Variants in DYNC2H1 observed in about 807,000 individuals in gnomAD.
DYNC2H1 encodes cytoplasmic dynein 2 heavy chain 1.
Under a neutral mutation model 570.0 loss-of-function variants are expected in DYNC2H1, and 410 were observed. The observed-to-expected ratio is 0.72, with a 90% CI of 0.66 to 0.78. The LOEUF (loss-of-function observed/expected upper bound fraction) is 0.78. Among genes scored for constraint, DYNC2H1 ranks in the 30% least tolerant of loss-of-function variants. The probability of loss-of-function intolerance (pLI) is 0.00; values close to 1 mark genes in which losing one functional copy is unlikely to be tolerated. For synonymous variants in DYNC2H1, 1,688 were observed against 1,677.6 expected (o/e 1.01, Z -0.15); for missense variants, 4,865 against 5,046.4 (o/e 0.96, Z 1.09).
At chr11:103,173,390 C>T (rs1341826048) in intron 35 of DYNC2H1, 85 bp downstream of exon 35, 3 of 950,092 alleles carry the variant, frequency 3.2e-6, no homozygotes, top group Non-Finnish European at 4.4e-6. Context: ...CATATTTTCT[C>T]AATTCACCTA....
At position 103,174,491 on chromosome 11, in the gene DYNC2H1, T is replaced by G. The variant is rs376587906; in HGVS notation, c.5674+321T>G. Among the ~76,000 whole-genome samples, 60 of 152,304 alleles carry G rather than the reference T, an allele frequency of 3.9e-4. 1 individual carries two copies. Among genetic ancestry groups the G allele is most frequent in the African/African-American group, 1.4e-3 (59 of 41,590 alleles). ...ATGTAAAGTCCACTTGTTCTTTAAC[T>G]TCAATGTCCATTGGAATCACCCAGT... On this transcript the variant is annotated intron_variant, in intron 36 of 88. Transcript: ENST00000375735.
intron 73 of DYNC2H1, among the ~76,000 whole-genome samples, chr11:103,285,375 C>A (rs1368196072): frequency 2.0e-5 from 3 of 151,518 alleles, no homozygotes; most frequent in African/African-American, 7.3e-5. Flanking sequence ...TGATCAGACA[C>A]CAACAGATAA....
intron 82 of DYNC2H1, among the ~76,000 whole-genome samples, chr11:103,348,030 T>A (rs1349436162): frequency 1.3e-5 from 2 of 152,172 alleles, no homozygotes; most frequent in East Asian, 3.8e-4. Flanking sequence ...TGCGAAGTAC[T>A]AAGAGGTAAT....
chr11:103,215,623 T>G lies in DYNC2H1; in HGVS notation c.8695-98T>G, dbSNP rs553140039. On this transcript the variant is annotated intron_variant, in intron 54 of 88. Transcript: ENST00000375735. ...TTGCTACTGTTTTGTATATACACACTTAACATGTTTGCTTGATTCTTTTCT... is the reference window on the plus strand; with the variant it reads ...TTGCTACTGTTTTGTATATACACACGTAACATGTTTGCTTGATTCTTTTCT... 8.0e-5 allele frequency: 101 copies of G among 1,259,144 alleles called. No homozygotes were observed. In the African/African-American group the frequency reaches 1.3e-3, roughly 16 times the overall value. The allele number at this position is 1,259,144 out of a possible 1,614,324, so 78.0% of individuals were successfully genotyped here. A position where few individuals can be genotyped will look rare whatever the true frequency, so the allele number is the denominator to read the frequency against.
rs1945014365 is a variant in DYNC2H1, at chr11:103,461,619, A to G, written c.12648+5263A>G. Among the ~76,000 whole-genome samples, 1 of 152,180 alleles carries G rather than the reference A, an allele frequency of 6.6e-6. No individual in the cohort carries two copies. Among genetic ancestry groups the G allele is most frequent in the Admixed American group, 6.5e-5 (1 of 15,282 alleles). On this transcript the variant is annotated intron_variant, in intron 87 of 88. Transcript: ENST00000375735. This position sits in a 1 kb window ranked among gnomAD's most constrained non-coding sequence, Gnocchi z 4.8. The stretch of plus-strand genomic sequence containing the variant: ...GCTCAGTAGCCATATGCGGTATAGT[A>G]TATACAGTAACCACATATGGCTGCT...
In DYNC2H1 at chr11:103,350,320, T is replaced by C. The variant is rs796422044; in HGVS notation, c.12040-7923T>C. On this transcript the variant is annotated intron_variant, in intron 82 of 88. Coordinates refer to ENST00000375735, the MANE Select transcript of DYNC2H1 (RefSeq NM_001377.3). ...TGTAAATATAAAAAGTATTATAAATTGTTTTTTTCTGCAAATTGTAATATC... is the reference window on the plus strand; with the variant it reads ...TGTAAATATAAAAAGTATTATAAATCGTTTTTTTCTGCAAATTGTAATATC... 2.1e-3 allele frequency among the ~76,000 whole-genome samples: 284 copies of C among 137,278 alleles called. 4 individuals are homozygous for C. Among genetic ancestry groups the C allele is most frequent in the African/African-American group, 7.5e-3 (257 of 34,048 alleles). The allele number at this position is 137,278 out of a possible 152,430, so 90.1% of individuals were successfully genotyped here. A position where few individuals can be genotyped will look rare whatever the true frequency, so the allele number is the denominator to read the frequency against.
At chr11:103,378,736 T>C (rs1464154230) in intron 83 of DYNC2H1, among the ~76,000 whole-genome samples, 2 of 152,250 alleles carry the variant, frequency 1.3e-5, no homozygotes, top group African/African-American at 4.8e-5. Flanking sequence ...AAAATATCTT[T>C]ATTTCATCTT....
intron 22 of DYNC2H1, among the ~76,000 whole-genome samples, chr11:103,154,166 ATCTC>A (rs886461667): frequency 6.6e-6 from 1 of 151,848 alleles, no homozygotes; most frequent in Non-Finnish European, 1.5e-5. Context: ...GTACATATAA[ATCTC>A]TCTATATTAC....
At position 103,280,284 on chromosome 11, in the gene DYNC2H1, C is replaced by T. The variant is rs372471848; in HGVS notation, c.10696-64C>T. 5.1e-5 allele frequency: 76 copies of T among 1,494,128 alleles called. No individual in the cohort carries two copies. Among genetic ancestry groups the T allele is most frequent in the Middle Eastern group, 2.0e-4 (1 of 5,070 alleles). The allele number at this position is 1,494,128 out of a possible 1,614,324, so 92.6% of individuals were successfully genotyped here. On this transcript the variant is annotated intron_variant, in intron 70 of 88. Coordinates refer to ENST00000375735, the MANE Select transcript of DYNC2H1 (RefSeq NM_001377.3). The surrounding 1 kb of genome is among the most constrained non-coding windows in gnomAD (Gnocchi z 4.7). ...GAGATTTTTGTGTGCCAAATTTTAA[C>T]GACTATGCTTTTCCAAAGACACAAA...
Position 103,363,930 on chromosome 11 carries a change from C to T in DYNC2H1, c.12156+5571C>T, listed in dbSNP as rs929326842. Reference sequence around the variant, plus strand: ...AAACTCATGACAGATAGCATTATGACTTCCCAATGTAATAGGAGTCTTTTT... The same window carrying T: ...AAACTCATGACAGATAGCATTATGATTTCCCAATGTAATAGGAGTCTTTTT... On this transcript the variant is annotated intron_variant, in intron 83 of 88. Transcript: ENST00000375735. This position sits in a 1 kb window ranked among gnomAD's most constrained non-coding sequence, Gnocchi z 5.6. 1.3e-5 allele frequency among the ~76,000 whole-genome samples: 2 copies of T among 152,112 alleles called. No individual in the cohort carries two copies. The highest frequency in any genetic ancestry group is 4.8e-5 in the African/African-American group (2 of 41,406).
Position 103,181,884 on chromosome 11 carries a change from C to A in DYNC2H1, c.6475C>A (p.Gln2159Lys). 2 of 1,603,160 alleles carry A rather than the reference C, an allele frequency of 1.2e-6. No individual in the cohort carries two copies. The highest frequency in any genetic ancestry group is 8.5e-7 in the Non-Finnish European group (1 of 1,174,162). Residue 2159 changes from glutamine to lysine, a missense_variant and splice_region_variant, in exon 40 of 89, where the codon CAG becomes AAG. Physicochemically the swap from Gln to Lys is moderately conservative, Grantham distance 53. Around this residue, in one of 5 missense-constraint regions of DYNC2H1, gnomAD observed 231 missense variants for 310.3 expected, o/e 0.74. Coordinates refer to ENST00000375735, the MANE Select transcript of DYNC2H1 (RefSeq NM_001377.3). The surrounding 1 kb of genome is among the most constrained non-coding windows in gnomAD (Gnocchi z 5.0). ...FEKALQWVLKQNDYVVETSLV... is the reference protein window; with the variant it reads ...FEKALQWVLKKNDYVVETSLV... ...AAAGGCTTTACAATGGGTTCTAAAG[C>A]AGGTAAATTAACCATAATATTTCAT...
intron 3 of DYNC2H1, 125 bp from the exon 4 acceptor site, chr11:103,115,052 C>A: frequency 1.8e-6 from 1 of 545,978 alleles, no homozygotes; most frequent in Non-Finnish European, 3.2e-6. Flanking sequence ...GAAGTGTCAC[C>A]TATTTGACCT....
intron 30 of DYNC2H1, among the ~76,000 whole-genome samples, chr11:103,164,273 A>G (rs1339452578): frequency 6.6e-6 from 1 of 152,208 alleles, no homozygotes; most frequent in Non-Finnish European, 1.5e-5. Context: ...TAGGCTAGAG[A>G]AAGTTGTTGG....
rs1341074305 is a variant in DYNC2H1 at position 103,177,470 on chromosome 11, A to C, written c.5875-86A>C. On this transcript the variant is annotated intron_variant, in intron 37 of 88. Transcript: ENST00000375735. The surrounding 1 kb of genome is among the most constrained non-coding windows in gnomAD (Gnocchi z 4.4). ...AAGAAATCAAAGGCTTAATTTACAC[A>C]TTAGAACAAGTGTTACAGAATAAAA... The C allele has an allele frequency of 3.0e-5, 42 of 1,381,208 alleles. No homozygotes were observed. Among genetic ancestry groups the C allele is most frequent in the Non-Finnish European group, 4.0e-5 (41 of 1,026,288 alleles). The allele number at this position is 1,381,208 out of a possible 1,614,324, so 85.6% of individuals were successfully genotyped here. A position where few individuals can be genotyped will look rare whatever the true frequency, so the allele number is the denominator to read the frequency against.
rs1322369710 is a variant in DYNC2H1 at position 103,191,606 on chromosome 11, T to C, written c.7527T>C (p.Tyr2509=). 3 of 1,606,526 alleles carry C rather than the reference T, an allele frequency of 1.9e-6. No homozygotes were observed. Among genetic ancestry groups the C allele is most frequent in the East Asian group, 2.2e-5 (1 of 44,636 alleles). The change falls in exon 46 of 89, where the codon TAT becomes TAC. Residue 2509 remains tyrosine, a synonymous_variant. Coordinates refer to ENST00000375735, the MANE Select transcript of DYNC2H1 (RefSeq NM_001377.3). ...LTQWVLGLFR[Y]DLEGGSSNHP... is the part of the protein sequence containing the mutation. ...AATGGGTTCTTGGCTTATTTAGATA[T>C]GATTTAGAAGGAGGTGAGTTTTGCT...
At chr11:103,232,125 A>G (rs1864037980) in intron 60 of DYNC2H1, among the ~76,000 whole-genome samples, 1 of 152,038 alleles carries the variant, frequency 6.6e-6, no homozygotes, top group Admixed American at 6.6e-5. Context: ...GCTCACAATC[A>G]GCACTTAATA....
chr11:103,191,450 G>GAA, intron 45 of DYNC2H1, 67 bp from the exon 46 acceptor site: 1 of 1,305,684 alleles, frequency 7.7e-7, no homozygotes, highest in Admixed American at 2.0e-5. Flanking sequence ...TAAGGAGACT[G>GAA]AAAAATTTAT....
chr11:103,260,033 T>TATATTTATAGTTATATTTATA (rs1486215186), intron 70 of DYNC2H1, 56 bp downstream of exon 70: 37 of 925,566 alleles, frequency 4.0e-5, no homozygotes, highest in Non-Finnish European at 5.5e-5. Context: ...TGATTTAACG[T>TATATTTATAGTTATATTTATA]AATATTTATA....
chr11:103,373,750 C>T (rs1941276677), intron 83 of DYNC2H1, among the ~76,000 whole-genome samples: 1 of 152,100 alleles, frequency 6.6e-6, no homozygotes, highest in Non-Finnish European at 1.5e-5. Context: ...TATTTTTTGT[C>T]TAGATGATCT....
Sources: allele counts gnomAD v4.1 joint callset (sites outside exome capture counted in the v4.1 genomes callset), GRCh38; gene constraint gnomAD v4.1.1; regional missense constraint gnomAD v4.1.1; non-coding constraint Gnocchi (gnomAD v3.1); transcripts MANE v1.5; gene names NCBI Gene and HGNC (gene_info 2026-07-23, HGNC 2026-07-21).